The following JAM3 variants were observed in gnomAD, a reference collection of about 807,000 sequenced individuals.
The protein encoded by JAM3 is junctional adhesion molecule C.
A neutral mutation model predicts 39.4 loss-of-function variants in JAM3; 31 were observed. The ratio of observed to expected loss-of-function variants is 0.79; its 90% confidence interval spans 0.59 to 1.06. The LOEUF is 1.06. JAM3 is among the 50% of genes least tolerant of loss of function. The pLI is 0.00. For missense variants in JAM3, 455 were observed against 391.4 expected (o/e 1.16, Z -1.37); for synonymous variants, 182 against 148.7 (o/e 1.22, Z -1.63).
chr11:134,098,356 A>G (rs1315215676), intron 1 of JAM3, among the ~76,000 whole-genome samples: 1 of 152,256 alleles, frequency 6.6e-6, no homozygotes, highest in East Asian at 1.9e-4. Context: ...TTAATTTAAA[A>G]AAAGCTAGTT....
intron 1 of JAM3, among the ~76,000 whole-genome samples, chr11:134,109,675 G>T (rs776496267): frequency 1.3e-5 from 2 of 152,166 alleles, no homozygotes; most frequent in African/African-American, 2.4e-5. Flanking sequence ...TTTGAGGGCT[G>T]CAATATTTAA....
chr11:134,090,307 T>G (rs1941824134), intron 1 of JAM3, among the ~76,000 whole-genome samples: 1 of 152,236 alleles, frequency 6.6e-6, no homozygotes. Context: ...CTCTTTAGTT[T>G]AATTAGATCC....
intron 1 of JAM3, among the ~76,000 whole-genome samples, chr11:134,116,206 C>T (rs971361685): frequency 1.3e-5 from 2 of 151,980 alleles, no homozygotes; most frequent in South Asian, 2.1e-4. Context: ...ATAAATATTT[C>T]GGTGGATAAG....
chr11:134,149,254 C>G lies in JAM3; in HGVS notation c.*73C>G. Reference sequence around the variant, plus strand: ...CTGCTAGAAACTCCTGTCAAGGCAGCGAGAGCTGATGCACTCGGACAGAGC... The same window carrying G: ...CTGCTAGAAACTCCTGTCAAGGCAGGGAGAGCTGATGCACTCGGACAGAGC... On this transcript the variant is annotated 3_prime_UTR_variant, in exon 9 of 9. Transcript: ENST00000299106. 1.3e-6 allele frequency: 2 copies of G among 1,581,370 alleles called. No homozygotes were observed. Among genetic ancestry groups the G allele is most frequent in the Non-Finnish European group, 1.7e-6 (2 of 1,151,918 alleles).
chr11:134,142,209 G>A (rs1174565161), intron 3 of JAM3, among the ~76,000 whole-genome samples: 1 of 152,152 alleles, frequency 6.6e-6, no homozygotes, highest in Non-Finnish European at 1.5e-5. Flanking sequence ...TGGGGAGGCC[G>A]AGGGAGACGG....
intron 1 of JAM3, among the ~76,000 whole-genome samples, chr11:134,080,326 T>G (rs1276876424): frequency 6.6e-6 from 1 of 152,216 alleles, no homozygotes; most frequent in East Asian, 1.9e-4. Flanking sequence ...TTTTGACTAC[T>G]TCATAGGAAA....
intron 1 of JAM3, among the ~76,000 whole-genome samples, chr11:134,110,996 TTC>T (rs1393935061): frequency 6.6e-6 from 1 of 152,024 alleles, no homozygotes; most frequent in Non-Finnish European, 1.5e-5. Context: ...TATGGAGGTA[TTC>T]TCTCTCTCCC....
intron 1 of JAM3, among the ~76,000 whole-genome samples, chr11:134,075,078 A>G (rs1941544162): frequency 6.7e-6 from 1 of 149,718 alleles, no homozygotes; most frequent in South Asian, 2.1e-4. Flanking sequence ...GCCAATCCAT[A>G]TTTATTTGGT....
At chr11:134,105,727 A>C (rs1021917533) in intron 1 of JAM3, among the ~76,000 whole-genome samples, 1 of 152,196 alleles carries the variant, frequency 6.6e-6, no homozygotes, top group African/African-American at 2.4e-5. Context: ...CAGCCAAATC[A>C]TGAGTGAACT....
intron 1 of JAM3, among the ~76,000 whole-genome samples, chr11:134,107,209 A>G (rs551912899): frequency 6.6e-6 from 1 of 152,196 alleles, no homozygotes; most frequent in East Asian, 1.9e-4. Context: ...GGAAACCATC[A>G]TTCTCAGCAA....
At chr11:134,124,293 T>TC (rs1471338582) in intron 1 of JAM3, 1 of 866,396 alleles carries the variant, frequency 1.2e-6, no homozygotes, top group Non-Finnish European at 2.0e-6. Flanking sequence ...ACGCATGTTC[T>TC]CACAGGAAAT....
chr11:134,144,434 T>C (rs372024023), intron 4 of JAM3, 41 bp downstream of exon 4: 5 of 1,609,054 alleles, frequency 3.1e-6, no homozygotes, highest in Non-Finnish European at 4.3e-6. Flanking sequence ...CACCATAGGA[T>C]GCAAGAGATC....
chr11:134,103,217 TAAAG>T (rs996516697), intron 1 of JAM3, among the ~76,000 whole-genome samples: 4 of 152,134 alleles, frequency 2.6e-5, no homozygotes, highest in Non-Finnish European at 4.4e-5. Context: ...TCAACATTCT[TAAAG>T]AAAAGAATTT....
chr11:134,148,644 C>T lies in JAM3; in HGVS notation c.810C>T (p.Gly270=), dbSNP rs1943124613. 6.2e-7 allele frequency: 1 copy of T among 1,614,096 alleles called. No individual in the cohort carries two copies. The part of the protein sequence containing the change: ...TLGICCAYRR[G]YFINNKQDGE... ...GCATCTGCTGTGCATACAGACGTGG[C>T]TACTTCATCAACAATAAACAGGATG... Residue 270 remains glycine, a synonymous_variant, in exon 7 of 9, where the codon GGC becomes GGT. Transcript: ENST00000299106.
intron 3 of JAM3, among the ~76,000 whole-genome samples, chr11:134,143,616 T>C (rs1178600315): frequency 6.6e-6 from 1 of 152,232 alleles, no homozygotes; most frequent in Non-Finnish European, 1.5e-5. Context: ...GGATGTACGA[T>C]TTGCAGGTAT....
intron 1 of JAM3, among the ~76,000 whole-genome samples, chr11:134,109,875 C>T (rs932228708): frequency 6.6e-6 from 1 of 152,200 alleles, no homozygotes; most frequent in African/African-American, 2.4e-5. Flanking sequence ...CTATAGCTGT[C>T]TGCTTAGAAA....
chr11:134,132,507 A>C (rs895000038), intron 1 of JAM3, among the ~76,000 whole-genome samples: 3 of 152,224 alleles, frequency 2.0e-5, no homozygotes, highest in African/African-American at 7.2e-5. Flanking sequence ...CGATAAAGCT[A>C]ATTTCACGAG....
chr11:134,109,010 A>G (rs1942257712), intron 1 of JAM3, among the ~76,000 whole-genome samples: 2 of 152,112 alleles, frequency 1.3e-5, no homozygotes, highest in Admixed American at 1.3e-4. Flanking sequence ...GGGCTGGAGT[A>G]CAGTGGCACA....
intron 1 of JAM3, among the ~76,000 whole-genome samples, chr11:134,120,993 T>C (rs572089291): frequency 4.6e-5 from 7 of 152,308 alleles, no homozygotes; most frequent in Non-Finnish European, 7.4e-5. Context: ...ACAATAGAGC[T>C]GTGTTTCTGT....
Sources: gnomAD v4.1 joint callset for allele counts (sites outside exome capture counted in the v4.1 genomes callset) on GRCh38, gnomAD v4.1.1 for gene constraint, MANE v1.5 for transcripts, NCBI Gene and HGNC (gene_info 2026-07-23, HGNC 2026-07-21) for gene names.